Variants in CAST observed in about 807,000 individuals in gnomAD.
The protein encoded by CAST is calpastatin.
CAST carries 76 observed loss-of-function variants against 119.6 expected under a neutral mutation model. The ratio of observed to expected loss-of-function variants is 0.64; its 90% CI spans 0.53 to 0.77. CAST has a LOEUF of 0.77. Ranked by LOEUF, CAST falls within the 30% of genes least tolerant of loss-of-function variation. CAST has a pLI of 0.00. For missense variants in CAST, 953 were observed against 946.5 expected (o/e 1.01, Z -0.09); for synonymous variants, 319 against 331.6 (o/e 0.96, Z 0.41).
At chr5:96,146,362 G>A in the CAST span, among the ~76,000 whole-genome samples, 1 of 152,242 alleles carries the variant, frequency 6.6e-6, no homozygotes, top group Non-Finnish European at 1.5e-5. Context: ...GGTTGCCTTA[G>A]ACCAATTCCA....
chr5:96,393,297 C>T, the CAST span: 1 of 1,614,062 alleles, frequency 6.2e-7, no homozygotes, highest in South Asian at 1.1e-5. Flanking sequence ...TCCAACTCAT[C>T]CCTCCGGCCC....
the CAST span, among the ~76,000 whole-genome samples, chr5:96,463,482 C>T: frequency 2.0e-5 from 3 of 152,002 alleles, no homozygotes; most frequent in Non-Finnish European, 4.4e-5. Flanking sequence ...CCTGGTTTTC[C>T]AACTATGCTC....
intron 1 of CAST, among the ~76,000 whole-genome samples, chr5:96,591,532 G>C (rs1251706482): frequency 1.3e-5 from 2 of 152,204 alleles, no homozygotes; most frequent in East Asian, 3.8e-4. Context: ...GACAATAAAG[G>C]AGGCAATTAA....
the CAST span, among the ~76,000 whole-genome samples, chr5:96,465,165 T>G: frequency 1.3e-5 from 2 of 152,056 alleles, no homozygotes; most frequent in Admixed American, 1.3e-4. Flanking sequence ...TATTTTATAA[T>G]AGTGTAAATG....
chr5:96,608,415 A>G (rs1162073690), intron 1 of CAST, among the ~76,000 whole-genome samples: 1 of 152,158 alleles, frequency 6.6e-6, no homozygotes, highest in Non-Finnish European at 1.5e-5. Context: ...CATGCCTCAT[A>G]AGGTTTTTGT....
the CAST span, among the ~76,000 whole-genome samples, chr5:96,232,374 A>G: frequency 6.6e-6 from 1 of 152,150 alleles, no homozygotes; most frequent in Non-Finnish European, 1.5e-5. Context: ...TAACAAAATA[A>G]CATAGAACAA....
the CAST span, among the ~76,000 whole-genome samples, chr5:95,998,332 G>C: frequency 1.4e-4 from 21 of 152,108 alleles, no homozygotes; most frequent in South Asian, 4.4e-3. Flanking sequence ...TAGTGGTAAA[G>C]TCTAGATTTT....
chr5:96,653,471 T>A (rs1356266354), intron 1 of CAST, among the ~76,000 whole-genome samples: 2 of 152,244 alleles, frequency 1.3e-5, no homozygotes, highest in Non-Finnish European at 2.9e-5. Flanking sequence ...GGAATCTGGC[T>A]CTGCCACCTC....
chr5:96,408,197 G>A, the CAST span: 1 of 1,516,300 alleles, frequency 6.6e-7, no homozygotes, highest in Non-Finnish European at 9.2e-7. Context: ...CTTTGTAAAG[G>A]TGATTAGAAG....
intron 11 of CAST, among the ~76,000 whole-genome samples, chr5:96,738,275 T>A (rs1399148050): frequency 6.6e-6 from 1 of 152,004 alleles, no homozygotes; most frequent in Non-Finnish European, 1.5e-5. Context: ...CGAGCTGAGA[T>A]CGCACCACTG....
At chr5:96,202,938 T>A in the CAST span, among the ~76,000 whole-genome samples, 2 of 152,090 alleles carry the variant, frequency 1.3e-5, no homozygotes, top group Non-Finnish European at 2.9e-5. Context: ...ATAATAATTT[T>A]TATTGATTTT....
the CAST span, among the ~76,000 whole-genome samples, chr5:96,481,752 A>T: frequency 6.6e-6 from 1 of 152,236 alleles, no homozygotes; most frequent in Non-Finnish European, 1.5e-5. Context: ...ATAAAGACAT[A>T]TATCTTCTTG....
chr5:96,399,092 T>A, the CAST span: 1 of 1,301,674 alleles, frequency 7.7e-7, no homozygotes. Flanking sequence ...TCCTTGCATT[T>A]TATGCATATC....
chr5:96,727,073 T>C (rs1405917232), intron 5 of CAST, among the ~76,000 whole-genome samples: 1 of 152,224 alleles, frequency 6.6e-6, no homozygotes, highest in African/African-American at 2.4e-5. Context: ...TCCCATTGTT[T>C]TACACTGTCA....
At chr5:96,441,260 T>C in the CAST span, among the ~76,000 whole-genome samples, 1 of 152,214 alleles carries the variant, frequency 6.6e-6, no homozygotes. Context: ...ACTGACTAGC[T>C]CTGGCACTCA....
the CAST span, among the ~76,000 whole-genome samples, chr5:96,490,504 G>T: frequency 6.6e-6 from 1 of 152,132 alleles, no homozygotes; most frequent in African/African-American, 2.4e-5. Context: ...TCTATCCACT[G>T]CCAAGGCAAA....
intron 2 of CAST, among the ~76,000 whole-genome samples, chr5:96,688,259 A>G (rs77647594): frequency 0.042 from 6,345 of 152,332 alleles, 176 homozygotes; most frequent in Middle Eastern, 0.089. Flanking sequence ...CTCACCAACA[A>G]TTTTGAAAAT....
the CAST span, among the ~76,000 whole-genome samples, chr5:96,233,028 A>G: frequency 6.6e-6 from 1 of 152,036 alleles, no homozygotes; most frequent in African/African-American, 2.4e-5. Context: ...CAACCTAACA[A>G]CCCACCAGTA....
chr5:96,039,333 T>C, the CAST span, among the ~76,000 whole-genome samples: 3 of 152,132 alleles, frequency 2.0e-5, no homozygotes, highest in Non-Finnish European at 1.5e-5. Flanking sequence ...TGTCCGTTCA[T>C]GCTGATGATA....
Sources: allele counts gnomAD v4.1 joint callset (sites outside exome capture counted in the v4.1 genomes callset), GRCh38; gene constraint gnomAD v4.1.1; transcripts MANE v1.5; gene names NCBI Gene and HGNC (gene_info 2026-07-23, HGNC 2026-07-21).